Variants in SDK2 observed in about 807,000 individuals in gnomAD.
The protein encoded by SDK2 is sidekick cell adhesion molecule 2.
SDK2 carries 105 observed loss-of-function variants against 253.9 expected under a neutral mutation model. The observed-to-expected ratio is 0.41, with a 90% CI of 0.35 to 0.49. The LOEUF is 0.49. Ranked by LOEUF, SDK2 falls within the 20% of genes least tolerant of loss-of-function variation. SDK2 has a pLI of 0.06. For missense variants in SDK2, 2,608 were observed against 3,003.0 expected, an observed-to-expected ratio of 0.87 and a Z score of 3.07; for synonymous variants, 1,249 against 1,234.9, an observed-to-expected ratio of 1.01 and a Z score of -0.24.
chr17:73,524,809 C>T (rs376593963), intron 1 of SDK2, among the ~76,000 whole-genome samples: 14 of 152,368 alleles, frequency 9.2e-5, no homozygotes, highest in African/African-American at 2.2e-4. Context: ...CCAAAGCCCA[C>T]GCTCCTTCCA....
chr17:73,596,530 C>T (rs73353317), intron 1 of SDK2, among the ~76,000 whole-genome samples: 4,195 of 152,262 alleles, frequency 0.028, 184 homozygotes, highest in African/African-American at 0.093. Context: ...TCTCTCTGGC[C>T]TCCCTGTCCC....
At position 73,401,722 on chromosome 17, in the gene SDK2, C is replaced by A; in HGVS notation, c.2711G>T (p.Ser904Ile). The A allele has an allele frequency of 1.3e-6, 2 of 1,589,962 alleles. No individual in the cohort carries two copies. Among genetic ancestry groups the A allele is most frequent in the Non-Finnish European group, 1.7e-6 (2 of 1,167,282 alleles). The stretch of plus-strand genomic sequence containing the variant: ...CTTCAGCGATGTGTCCAGGATCTCA[C>A]TGAAGCTCAGGTGTCCCACGGGCCC... ...VPGPVGHLSF[S>I]EILDTSLKVS... Residue 904 changes from serine (S) to isoleucine (I), a missense_variant, in exon 20 of 45, where the codon AGT becomes ATT. Coordinates refer to ENST00000392650, the MANE Select transcript of SDK2 (RefSeq NM_001144952.2).
chr17:73,380,319 T>C (rs1486035318), intron 34 of SDK2, among the ~76,000 whole-genome samples: 1 of 152,140 alleles, frequency 6.6e-6, no homozygotes, highest in Non-Finnish European at 1.5e-5. Context: ...CTAGTGCTAT[T>C]TTCTCCTGAG....
chr17:73,635,589 C>T (rs2046320106), intron 1 of SDK2, among the ~76,000 whole-genome samples: 1 of 152,184 alleles, frequency 6.6e-6, no homozygotes, highest in Non-Finnish European at 1.5e-5. Context: ...GCCAAATTCC[C>T]TGAATGAGCC....
intron 44 of SDK2, among the ~76,000 whole-genome samples, chr17:73,347,655 A>G (rs2062495955): frequency 6.6e-6 from 1 of 152,124 alleles, no homozygotes; most frequent in Non-Finnish European, 1.5e-5. Flanking sequence ...CCTGGGCAGA[A>G]AGGTCCAGGG....
chr17:73,432,844 G>A (rs1213759294), intron 10 of SDK2, among the ~76,000 whole-genome samples: 1 of 152,034 alleles, frequency 6.6e-6, no homozygotes, highest in East Asian at 1.9e-4. Flanking sequence ...GTATGTGTGT[G>A]CATGTGTGTG....
chr17:73,372,217 A>G (rs1227171297), intron 36 of SDK2, among the ~76,000 whole-genome samples: 3 of 152,170 alleles, frequency 2.0e-5, no homozygotes, highest in Non-Finnish European at 1.5e-5. Context: ...CTGATGATTC[A>G]CAGTGAGAGG....
intron 12 of SDK2, among the ~76,000 whole-genome samples, chr17:73,425,886 G>A (rs2063277639): frequency 6.6e-6 from 1 of 152,248 alleles, no homozygotes; most frequent in South Asian, 2.1e-4. Context: ...CCACCTCATA[G>A]CACTGCTGTG....
rs1285046532 is a variant in SDK2, at chr17:73,643,685, C to G, written c.64+340G>C. 1.3e-5 allele frequency among the ~76,000 whole-genome samples: 2 copies of G among 152,100 alleles called. No homozygotes were observed. The highest frequency in any genetic ancestry group is 2.9e-5 in the Non-Finnish European group (2 of 67,990). On this transcript the variant is annotated intron_variant, in intron 1 of 44. Coordinates refer to ENST00000392650, the MANE Select transcript of SDK2 (RefSeq NM_001144952.2). The surrounding 1 kb of genome is among the most constrained non-coding windows in gnomAD (Gnocchi z 6.9). ...GCTCAGCGTAGCCGAGCGTGGAGCC[C>G]GGCACGGAATGTCGCTCCCCTCCCA...
chr17:73,608,528 C>T (rs1448641423), intron 1 of SDK2, among the ~76,000 whole-genome samples: 1 of 152,162 alleles, frequency 6.6e-6, no homozygotes, highest in Admixed American at 6.5e-5. Context: ...CTGCAACCTC[C>T]ACCTCCCGAG....
intron 2 of SDK2, among the ~76,000 whole-genome samples, chr17:73,480,263 C>T (rs891534836): frequency 2.0e-5 from 3 of 152,196 alleles, no homozygotes; most frequent in African/African-American, 7.2e-5. Context: ...GATATGTATC[C>T]GATGGCTTGG....
chr17:73,428,241 T>C lies in SDK2; in HGVS notation c.1583+2270A>G, dbSNP rs140775130. The stretch of plus-strand genomic sequence containing the variant: ...GGAGGCTGAGCTAATTTTTTTTGTA[T>C]TTTTAGTAGAGACGGGGTTTCACCA... On this transcript the variant is annotated intron_variant, in intron 12 of 44. Transcript: ENST00000392650. Among the ~76,000 whole-genome samples the C allele has an allele frequency of 2.5e-3, 376 of 152,298 alleles. 14 individuals are homozygous for C. The East Asian group carries it at 0.066, about 27-fold the overall frequency.
At chr17:73,545,425 G>A (rs779202979) in intron 1 of SDK2, among the ~76,000 whole-genome samples, 5 of 152,152 alleles carry the variant, frequency 3.3e-5, no homozygotes, top group Non-Finnish European at 7.3e-5. Context: ...ACACACACAC[G>A]AGCTACTTGA....
In SDK2 at chr17:73,481,657, T is replaced by C. The variant is rs2063725040; in HGVS notation, c.225-9439A>G. Among the ~76,000 whole-genome samples, 1 of 152,152 alleles carries C rather than the reference T, an allele frequency of 6.6e-6. No homozygotes were observed. The highest frequency in any genetic ancestry group is 2.4e-5 in the African/African-American group (1 of 41,440). ...CCATCCAATCCACTGAGGGCTCGGATGGCACAAAAAGGCGGAGGGAGGAGG... is the reference window on the plus strand; with the variant it reads ...CCATCCAATCCACTGAGGGCTCGGACGGCACAAAAAGGCGGAGGGAGGAGG... On this transcript the variant is annotated intron_variant, in intron 2 of 44. Coordinates refer to ENST00000392650, the MANE Select transcript of SDK2 (RefSeq NM_001144952.2). The surrounding 1 kb of genome is among the most constrained non-coding windows in gnomAD (Gnocchi z 4.5).
chr17:73,577,204 A>G (rs982108952), intron 1 of SDK2, among the ~76,000 whole-genome samples: 1 of 152,218 alleles, frequency 6.6e-6, no homozygotes, highest in Non-Finnish European at 1.5e-5. Flanking sequence ...AAGGAATTTC[A>G]TCCACAGGTA....
chr17:73,394,338 G>A lies in SDK2; in HGVS notation c.3593-14C>T. The A allele has an allele frequency of 6.5e-7, 1 of 1,539,306 alleles. No individual in the cohort carries two copies. The highest frequency in any genetic ancestry group is 8.8e-7 in the Non-Finnish European group (1 of 1,134,838). On this transcript the variant is annotated splice_polypyrimidine_tract_variant and intron_variant, in intron 25 of 44. Transcript: ENST00000392650. ...CGGAAGAGGGAACTGTGGGGGAAAGGGAGTGGAGAGAAGGCACTCAGGACC... is the reference window on the plus strand; with the variant it reads ...CGGAAGAGGGAACTGTGGGGGAAAGAGAGTGGAGAGAAGGCACTCAGGACC...
At chr17:73,532,352 C>T (rs921688230) in intron 1 of SDK2, among the ~76,000 whole-genome samples, 1 of 152,220 alleles carries the variant, frequency 6.6e-6, no homozygotes, top group Admixed American at 6.5e-5. Flanking sequence ...AGGCCCGCAT[C>T]GTGTGTCTGC....
rs1169363085 is a variant in SDK2 at position 73,570,590 on chromosome 17, C to T, written c.65-62993G>A. On this transcript the variant is annotated intron_variant, in intron 1 of 44. Coordinates refer to ENST00000392650, the MANE Select transcript of SDK2 (RefSeq NM_001144952.2). The surrounding 1 kb of genome is among the most constrained non-coding windows in gnomAD (Gnocchi z 4.2). ...CACCTTCCACTGAGCGCTGACTACC[C>T]GTGAGGCACTGAACACCACCATCAG... Among the ~76,000 whole-genome samples the T allele has an allele frequency of 2.6e-5, 4 of 152,198 alleles. No individual in the cohort carries two copies. The highest frequency in any genetic ancestry group is 2.1e-4 in the South Asian group (1 of 4,828).
intron 1 of SDK2, among the ~76,000 whole-genome samples, chr17:73,581,479 GC>G (rs1338910774): frequency 6.6e-6 from 1 of 152,242 alleles, no homozygotes; most frequent in Non-Finnish European, 1.5e-5. Context: ...CCACATACCA[GC>G]CCCGCCTGCC....
Sources: gnomAD v4.1 joint callset for allele counts (sites outside exome capture counted in the v4.1 genomes callset) on GRCh38, gnomAD v4.1.1 for gene constraint, Gnocchi (gnomAD v3.1) non-coding constraint, MANE v1.5 for transcripts, NCBI Gene and HGNC (gene_info 2026-07-23, HGNC 2026-07-21) for gene names.